Variants in AGBL4 observed in about 807,000 individuals in gnomAD.
AGBL4 encodes cytosolic carboxypeptidase 6.
In AGBL4, 58 loss-of-function variants were observed where a neutral mutation model predicts 66.4. The ratio of observed to expected loss-of-function variants is 0.87; its 90% CI spans 0.71 to 1.09. The LOEUF (loss-of-function observed/expected upper bound fraction) is 1.09. AGBL4 is among the 50% of genes least tolerant of loss of function. AGBL4 has a pLI of 0.00. For missense variants in AGBL4, 579 were observed against 631.0 expected (o/e 0.92, Z 0.88); for synonymous variants, 234 against 222.9 (o/e 1.05, Z -0.44).
chr1:48,929,804 G>A (rs1654890882), intron 5 of AGBL4, among the ~76,000 whole-genome samples: 4 of 152,120 alleles, frequency 2.6e-5, no homozygotes, highest in Admixed American at 2.6e-4. Context: ...CTAACATCGG[G>A]ACTCATTTCT....
intron 2 of AGBL4, among the ~76,000 whole-genome samples, chr1:49,747,444 A>C (rs997595019): frequency 2.0e-5 from 3 of 152,184 alleles, no homozygotes; most frequent in Non-Finnish European, 4.4e-5. Flanking sequence ...AATTCTGATG[A>C]ACAAAGAGAT....
At chr1:49,836,539 G>A (rs1257121978) in intron 2 of AGBL4, among the ~76,000 whole-genome samples, 2 of 152,118 alleles carry the variant, frequency 1.3e-5, no homozygotes, top group Non-Finnish European at 1.5e-5. Flanking sequence ...TTAGCTCAGA[G>A]GAGTTTATTA....
intron 6 of AGBL4, among the ~76,000 whole-genome samples, chr1:48,845,991 C>T (rs1646900205): frequency 6.6e-6 from 1 of 152,072 alleles, no homozygotes; most frequent in Non-Finnish European, 1.5e-5. Flanking sequence ...AGTATCTGGT[C>T]TAGTGGAGGC....
At chr1:50,012,855 A>T (rs138743126) in intron 1 of AGBL4, among the ~76,000 whole-genome samples, 133 of 152,318 alleles carry the variant, frequency 8.7e-4, no homozygotes, top group African/African-American at 3.2e-3. Context: ...ATTTTCTGAG[A>T]ACAACTTTTT....
At chr1:49,309,719 T>C (rs2148458615) in intron 3 of AGBL4, among the ~76,000 whole-genome samples, 1 of 152,150 alleles carries the variant, frequency 6.6e-6, no homozygotes, top group East Asian at 1.9e-4. Flanking sequence ...TCACTGATTT[T>C]TCTGGAAGAT....
chr1:49,029,438 G>C lies in AGBL4; in HGVS notation c.594+16146C>G, dbSNP rs146795895. Among the ~76,000 whole-genome samples the C allele has an allele frequency of 5.8e-4, 88 of 152,188 alleles. 2 individuals carry two copies. In the East Asian group the frequency reaches 0.016, roughly 28 times the overall value. ...TAAGAAAACAAGCTTATTTACAATA[G>C]CCTCAAAAGGATAAAATATGTAGAA... On this transcript the variant is annotated intron_variant, in intron 5 of 13. Coordinates refer to ENST00000371839, the MANE Select transcript of AGBL4 (RefSeq NM_032785.4).
intron 2 of AGBL4, among the ~76,000 whole-genome samples, chr1:49,788,593 A>G (rs993350677): frequency 3.9e-5 from 6 of 152,132 alleles, no homozygotes; most frequent in African/African-American, 1.2e-4. Flanking sequence ...AAAAAGAAAC[A>G]AATGGAAATT....
rs114324248 is a variant in AGBL4 at position 48,810,402 on chromosome 1, G to A, written c.634+56789C>T. On this transcript the variant is annotated intron_variant, in intron 6 of 13. Coordinates refer to ENST00000371839, the MANE Select transcript of AGBL4 (RefSeq NM_032785.4). Reference sequence around the variant, plus strand: ...GCCTGATTGATGTGGATAAGGGATCGGGTCCACTTCAAGGTCCCCTTCAGA... The same window carrying A: ...GCCTGATTGATGTGGATAAGGGATCAGGTCCACTTCAAGGTCCCCTTCAGA... Among the ~76,000 whole-genome samples, 134 of 152,288 alleles carry A rather than the reference G, an allele frequency of 8.8e-4. 1 individual carries two copies. The highest frequency in any genetic ancestry group is 6.8e-3 in the Middle Eastern group (2 of 294).
chr1:48,955,292 C>A (rs1195398359), intron 5 of AGBL4, among the ~76,000 whole-genome samples: 1 of 152,146 alleles, frequency 6.6e-6, no homozygotes, highest in East Asian at 1.9e-4. Context: ...AGTGGTCACC[C>A]TTATGGGTAA....
intron 4 of AGBL4, among the ~76,000 whole-genome samples, chr1:49,164,252 G>A: frequency 6.6e-6 from 1 of 152,064 alleles, no homozygotes; most frequent in East Asian, 1.9e-4. Context: ...TTAGGGTAGT[G>A]GGGTCAGAGA....
chr1:49,320,378 A>ATT, intron 3 of AGBL4, among the ~76,000 whole-genome samples: 1 of 152,238 alleles, frequency 6.6e-6, no homozygotes, highest in African/African-American at 2.4e-5. Flanking sequence ...GGGTTTTACT[A>ATT]TTAAGGAAGC....
chr1:49,762,132 T>A (rs1192283229), intron 2 of AGBL4, among the ~76,000 whole-genome samples: 1 of 152,220 alleles, frequency 6.6e-6, no homozygotes, highest in Non-Finnish European at 1.5e-5. Context: ...TTTCTATTTT[T>A]AATTTTTTGA....
In AGBL4 at chr1:48,733,142, G is replaced by A. The variant is rs6671938; in HGVS notation, c.635-69901C>T. Among the ~76,000 whole-genome samples, 511 of 152,312 alleles carry A rather than the reference G, an allele frequency of 3.4e-3. 3 individuals carry two copies. The highest frequency in any genetic ancestry group is 0.012 in the African/African-American group (480 of 41,554). ...AGGAGCCTGCATGTGAAAGAAGGGA[G>A]ATATGATAGCAGCTGGGTGACAGAG... is the stretch of plus-strand genomic sequence containing the variant. On this transcript the variant is annotated intron_variant, in intron 6 of 13. Transcript: ENST00000371839.
intron 4 of AGBL4, among the ~76,000 whole-genome samples, chr1:49,208,216 T>C (rs952847011): frequency 1.3e-5 from 2 of 152,080 alleles, no homozygotes; most frequent in Non-Finnish European, 2.9e-5. Context: ...AAGAAGGAAG[T>C]GGTAGAGTCA....
rs529391743 is a variant in AGBL4, at chr1:48,682,410, CTT to C, written c.635-19171_635-19170del. Among the ~76,000 whole-genome samples the C allele has an allele frequency of 7.0e-4, 98 of 140,484 alleles. 1 individual carries two copies. Among genetic ancestry groups the C allele is most frequent in the South Asian group, 4.1e-3 (18 of 4,344 alleles). 92.2% of individuals were successfully genotyped at this position (140,484 alleles called of 152,430 possible). A position where few individuals can be genotyped will look rare whatever the true frequency, so the allele number is the denominator to read the frequency against. On this transcript the variant is annotated intron_variant, in intron 6 of 13. Coordinates refer to ENST00000371839, the MANE Select transcript of AGBL4 (RefSeq NM_032785.4). ...TTGCTTACAGGTTAACAGCACATCT[CTT>C]TTTTTTTTTTTTTTGAGACAGGGTC...
At chr1:49,652,119 T>C (rs1223853521) in intron 3 of AGBL4, among the ~76,000 whole-genome samples, 1 of 152,146 alleles carries the variant, frequency 6.6e-6, no homozygotes, top group Non-Finnish European at 1.5e-5. Flanking sequence ...GGCCAGTCTT[T>C]CTAATTAGCC....
At chr1:49,271,988 G>A (rs1380103021) in intron 3 of AGBL4, among the ~76,000 whole-genome samples, 1 of 152,130 alleles carries the variant, frequency 6.6e-6, no homozygotes, top group African/African-American at 2.4e-5. Flanking sequence ...ATGGATGTGA[G>A]GTCACTGGTG....
chr1:49,232,963 G>T (rs967455259), intron 4 of AGBL4, among the ~76,000 whole-genome samples: 3 of 152,038 alleles, frequency 2.0e-5, no homozygotes, highest in Non-Finnish European at 4.4e-5. Flanking sequence ...TTGTTTAAAA[G>T]ATTTTAATTA....
At chr1:49,319,193 T>C (rs991986096) in intron 3 of AGBL4, among the ~76,000 whole-genome samples, 2 of 152,280 alleles carry the variant, frequency 1.3e-5, no homozygotes, top group East Asian at 1.9e-4. Flanking sequence ...GATGGGTAAG[T>C]TGAAACCACG....
Sources: allele counts gnomAD v4.1 joint callset (sites outside exome capture counted in the v4.1 genomes callset), GRCh38; gene constraint gnomAD v4.1.1; transcripts MANE v1.5; gene names NCBI Gene and HGNC (gene_info 2026-07-23, HGNC 2026-07-21).